Variants in ANKRD11 observed in about 807,000 individuals in gnomAD.
ANKRD11 encodes ankyrin repeat domain 11, also known as ankyrin repeat domain-containing protein 11.
A neutral mutation model predicts 195.7 loss-of-function variants in ANKRD11; 17 were observed. That is an observed-to-expected ratio of 0.09 (90% confidence interval 0.06 to 0.13). The LOEUF (loss-of-function observed/expected upper bound fraction) is 0.13. Ranked by LOEUF, ANKRD11 falls within the 10% of genes least tolerant of loss-of-function variation. The probability of loss-of-function intolerance (pLI) is 1.00; values close to 1 mark genes in which losing one functional copy is unlikely to be tolerated. For missense variants in ANKRD11, 3,735 were observed against 3,566.1 expected (o/e 1.05, Z -1.21); for synonymous variants, 1,953 against 1,528.1 (o/e 1.28, Z -6.49).
intron 2 of ANKRD11, among the ~76,000 whole-genome samples, chr16:89,350,426 A>C (rs999286769): frequency 2.0e-5 from 3 of 152,190 alleles, no homozygotes; most frequent in Non-Finnish European, 2.9e-5. Context: ...ACATGTCTAT[A>C]ACTGCTTATT....
At chr16:89,328,827 G>C (rs1377555996) in intron 2 of ANKRD11, 1 of 144,650 alleles carries the variant, frequency 6.9e-6, no homozygotes, top group African/African-American at 2.6e-5. Flanking sequence ...CCTGCTGAGT[G>C]AGTGGACATA....
intron 4 of ANKRD11, among the ~76,000 whole-genome samples, chr16:89,294,764 ACTGCCTGC>A (rs1032784503): frequency 1.3e-5 from 2 of 152,146 alleles, no homozygotes; most frequent in African/African-American, 4.8e-5. Flanking sequence ...TGGGTCCCGC[ACTGCCTGC>A]CTGCCTGCCC....
At chr16:89,407,482 G>C (rs537919922) in intron 2 of ANKRD11, among the ~76,000 whole-genome samples, 220 of 152,156 alleles carry the variant, frequency 1.4e-3, no homozygotes, top group Non-Finnish European at 2.9e-3. Flanking sequence ...AACCACGTTC[G>C]CCTCGTCAGG....
At chr16:89,442,070 C>T (rs1315067870) in intron 1 of ANKRD11, among the ~76,000 whole-genome samples, 3 of 152,172 alleles carry the variant, frequency 2.0e-5, no homozygotes, top group African/African-American at 4.8e-5. Context: ...AAGTAATAAA[C>T]ATGAATTCAT....
At chr16:89,469,599 A>T (rs1417580722) in intron 1 of ANKRD11, among the ~76,000 whole-genome samples, 1 of 151,802 alleles carries the variant, frequency 6.6e-6, no homozygotes, top group African/African-American at 2.4e-5. Flanking sequence ...ACGTACGCAA[A>T]TAAGAAAGGA....
intron 1 of ANKRD11, among the ~76,000 whole-genome samples, chr16:89,485,955 C>A (rs576418855): frequency 6.6e-6 from 1 of 152,154 alleles, no homozygotes; most frequent in African/African-American, 2.4e-5. Flanking sequence ...TTGATGGAAA[C>A]GATGAGGAAA....
At chr16:89,413,934 T>C (rs2042196616) in intron 2 of ANKRD11, among the ~76,000 whole-genome samples, 1 of 151,994 alleles carries the variant, frequency 6.6e-6, no homozygotes, top group South Asian at 2.1e-4. Context: ...ACCTCCAACC[T>C]GGCCACCCAG....
In ANKRD11 at chr16:89,283,009, T is replaced by C. The variant is rs1447641697; in HGVS notation, c.3533A>G (p.Asp1178Gly). The C allele has an allele frequency of 1.2e-6, 2 of 1,613,838 alleles. No homozygotes were observed. Among genetic ancestry groups the C allele is most frequent in the Non-Finnish European group, 1.7e-6 (2 of 1,180,020 alleles). Residue 1178 changes from aspartate (D) to glycine (G), a missense_variant, in exon 9 of 13, where the codon GAC becomes GGC. Physicochemically the swap from Asp to Gly is moderately conservative, Grantham distance 94 (BLOSUM62 -1). Transcript: ENST00000301030. The surrounding 1 kb of genome is among the most constrained non-coding windows in gnomAD (Gnocchi z 4.3). Reference protein sequence around the residue: ...SDKQHPERQKDKEPRDRRKDR... With the variant: ...SDKQHPERQKGKEPRDRRKDR... ...CTTTCTCCTGTCTCTGGGCTCCTTG[T>C]CCTTCTGCCTCTCAGGGTGCTGCTT...
intron 1 of ANKRD11, among the ~76,000 whole-genome samples, chr16:89,449,105 T>C (rs967163708): frequency 1.3e-5 from 2 of 150,758 alleles, no homozygotes; most frequent in South Asian, 4.2e-4. Context: ...AATCCCAGCA[T>C]GTTGGGAGGC....
chr16:89,473,136 C>T (rs1412973554), intron 1 of ANKRD11, among the ~76,000 whole-genome samples: 2 of 151,174 alleles, frequency 1.3e-5, no homozygotes, highest in Non-Finnish European at 2.9e-5. Flanking sequence ...GTCAGGATCA[C>T]ACCACTGCCC....
At chr16:89,386,549 C>T (rs2040919075) in intron 2 of ANKRD11, among the ~76,000 whole-genome samples, 1 of 152,188 alleles carries the variant, frequency 6.6e-6, no homozygotes, top group Non-Finnish European at 1.5e-5. Context: ...ATGGCAGTGG[C>T]CCGCAACGAC....
chr16:89,365,528 C>A (rs1360595375), intron 2 of ANKRD11, among the ~76,000 whole-genome samples: 1 of 152,160 alleles, frequency 6.6e-6, no homozygotes, highest in Admixed American at 6.5e-5. Flanking sequence ...AGAAATGGCT[C>A]CAGGATTTTC....
intron 3 of ANKRD11, among the ~76,000 whole-genome samples, chr16:89,312,931 AG>A (rs1237212916): frequency 6.6e-6 from 1 of 152,154 alleles, no homozygotes; most frequent in Admixed American, 6.5e-5. Context: ...ATCTTCGGGG[AG>A]GGGCCTCAGA....
At chr16:89,364,663 G>GA (rs1597795248) in intron 2 of ANKRD11, among the ~76,000 whole-genome samples, 2 of 152,168 alleles carry the variant, frequency 1.3e-5, no homozygotes, top group Admixed American at 6.5e-5. Flanking sequence ...GATAAGCTTA[G>GA]AAAAAAATCT....
At chr16:89,403,121 G>A (rs538929047) in intron 2 of ANKRD11, among the ~76,000 whole-genome samples, 1 of 152,304 alleles carries the variant, frequency 6.6e-6, no homozygotes, top group East Asian at 1.9e-4. Flanking sequence ...ACCTCTCAGC[G>A]TGACGTGCCC....
chr16:89,353,997 C>A (rs1462535772), intron 2 of ANKRD11, among the ~76,000 whole-genome samples: 1 of 152,180 alleles, frequency 6.6e-6, no homozygotes, highest in Non-Finnish European at 1.5e-5. Flanking sequence ...ACCAGCCCAG[C>A]TGAATGCCCC....
At chr16:89,443,247 G>A (rs1332398279) in intron 1 of ANKRD11, 2 of 152,090 alleles carry the variant, frequency 1.3e-5, no homozygotes, top group Admixed American at 1.3e-4. Flanking sequence ...TTACAGGTGT[G>A]AGCCACCTCA....
chr16:89,335,080 G>A (rs1254538129), intron 2 of ANKRD11, among the ~76,000 whole-genome samples: 1 of 152,122 alleles, frequency 6.6e-6, no homozygotes, highest in East Asian at 1.9e-4. Context: ...AATAAAAAAC[G>A]ACTAACACTG....
intron 6 of ANKRD11, among the ~76,000 whole-genome samples, chr16:89,289,530 C>T (rs1404032995): frequency 1.3e-5 from 2 of 152,184 alleles, no homozygotes; most frequent in East Asian, 1.9e-4. Flanking sequence ...TGGGGAGGCT[C>T]GCTCAGTTCT....
Sources: allele counts gnomAD v4.1 joint callset (sites outside exome capture counted in the v4.1 genomes callset), GRCh38; gene constraint gnomAD v4.1.1; non-coding constraint Gnocchi (gnomAD v3.1); transcripts MANE v1.5; gene names NCBI Gene and HGNC (gene_info 2026-07-23, HGNC 2026-07-21).